Variants in RNF216 observed in about 807,000 individuals in gnomAD.
The protein encoded by RNF216 is E3 ubiquitin-protein ligase RNF216.
A neutral mutation model predicts 110.8 loss-of-function variants in RNF216; 72 were observed. The ratio of observed to expected loss-of-function variants is 0.65; its 90% confidence interval spans 0.54 to 0.79. The LOEUF is 0.79. RNF216 is among the 30% of genes least tolerant of loss of function. RNF216 has a pLI of 0.00. For synonymous variants in RNF216, 495 were observed against 407.5 expected, an observed-to-expected ratio of 1.21 and a Z score of -2.59; for missense variants, 1,342 against 1,141.2, an observed-to-expected ratio of 1.18 and a Z score of -2.54.
intron 3 of RNF216, among the ~76,000 whole-genome samples, chr7:5,742,586 C>CTTTT (rs59545890): frequency 3.9e-4 from 26 of 65,990 alleles, no homozygotes; most frequent in South Asian, 7.0e-4. Context: ...GGTGAAAAAT[C>CTTTT]TTTTTTTTTT....
chr7:5,658,880 C>T (rs1463627889), intron 13 of RNF216, among the ~76,000 whole-genome samples: 6 of 152,058 alleles, frequency 3.9e-5, no homozygotes, highest in Non-Finnish European at 8.8e-5. Context: ...GTACATCTGC[C>T]GCTCTCAATA....
At chr7:5,664,605 G>T (rs1348095524) in intron 13 of RNF216, among the ~76,000 whole-genome samples, 1 of 152,150 alleles carries the variant, frequency 6.6e-6, no homozygotes, top group African/African-American at 2.4e-5. Flanking sequence ...GAGGGGTCAG[G>T]ACTGGAAATG....
At chr7:5,663,573 G>A (rs35235746) in intron 13 of RNF216, among the ~76,000 whole-genome samples, 2,325 of 127,024 alleles carry the variant, frequency 0.018, 60 homozygotes, top group African/African-American at 0.065. Context: ...GACACAGCGA[G>A]ACTCCACCTC....
chr7:5,621,723 G>A lies in RNF216; in HGVS notation c.*1137C>T, dbSNP rs1022730086. The A allele has an allele frequency of 6.6e-6, 1 of 152,584 alleles. No individual in the cohort carries two copies. Among genetic ancestry groups the A allele is most frequent in the African/African-American group, 2.4e-5 (1 of 41,452 alleles). The allele number at this position is 152,584 out of a possible 1,614,324, so 9.5% of individuals were successfully genotyped here. A position where few individuals can be genotyped will look rare whatever the true frequency, so the allele number is the denominator to read the frequency against. Reference sequence around the variant, plus strand: ...GGAGGAGGAGAAAGTGATGCCTGTGGCCAGGAAGGCTTCAGACCTCTCATC... The same window carrying A: ...GGAGGAGGAGAAAGTGATGCCTGTGACCAGGAAGGCTTCAGACCTCTCATC... On this transcript the variant is annotated 3_prime_UTR_variant, in exon 17 of 17. Coordinates refer to ENST00000389902, the MANE Select transcript of RNF216 (RefSeq NM_207111.4).
chr7:5,641,668 TG>T (rs1787741301), intron 14 of RNF216, among the ~76,000 whole-genome samples: 1 of 152,180 alleles, frequency 6.6e-6, no homozygotes, highest in Non-Finnish European at 1.5e-5. Flanking sequence ...TAAAGTACCC[TG>T]GCATAGTGCC....
At chr7:5,743,218 T>G (rs1291926183) in intron 3 of RNF216, among the ~76,000 whole-genome samples, 1 of 152,008 alleles carries the variant, frequency 6.6e-6, no homozygotes, top group East Asian at 1.9e-4. Flanking sequence ...GCCAAGATGG[T>G]ACCACAGCAC....
chr7:5,714,318 G>T (rs907881439), intron 11 of RNF216, among the ~76,000 whole-genome samples: 26 of 151,818 alleles, frequency 1.7e-4, no homozygotes, highest in African/African-American at 5.1e-4. Context: ...GAGTGCAATG[G>T]CACGATCTCA....
chr7:5,697,713 T>C (rs554535652), intron 13 of RNF216, among the ~76,000 whole-genome samples: 31 of 151,946 alleles, frequency 2.0e-4, no homozygotes, highest in African/African-American at 7.5e-4. Context: ...TACAAGCAAT[T>C]TGAGGTGCTT....
chr7:5,698,266 T>C (rs1452965879), intron 13 of RNF216, among the ~76,000 whole-genome samples: 1 of 152,164 alleles, frequency 6.6e-6, no homozygotes. Flanking sequence ...GCAGTTGTAC[T>C]GGAGCAAGGA....
intron 15 of RNF216, among the ~76,000 whole-genome samples, chr7:5,627,810 G>A (rs561509271): frequency 7.3e-4 from 110 of 151,704 alleles, no homozygotes; most frequent in African/African-American, 2.5e-3. Context: ...GATAAAACAC[G>A]AGGGACAAGA....
chr7:5,771,038 C>T (rs1314844463), intron 1 of RNF216, among the ~76,000 whole-genome samples: 1 of 152,122 alleles, frequency 6.6e-6, no homozygotes, highest in African/African-American at 2.4e-5. Flanking sequence ...GAACTCTTGA[C>T]CTTGTGATTC....
At chr7:5,766,560 G>C (rs973006058) in intron 1 of RNF216, among the ~76,000 whole-genome samples, 5 of 152,204 alleles carry the variant, frequency 3.3e-5, no homozygotes, top group Non-Finnish European at 7.3e-5. Flanking sequence ...GAAGGCAGTT[G>C]TCTGAGATCC....
intron 14 of RNF216, among the ~76,000 whole-genome samples, chr7:5,644,607 G>A (rs1787940526): frequency 6.6e-6 from 1 of 151,774 alleles, no homozygotes; most frequent in South Asian, 2.1e-4. Flanking sequence ...CTGGGCTCAA[G>A]TGATTTCCCA....
At chr7:5,683,218 AT>A (rs1790769259) in intron 13 of RNF216, among the ~76,000 whole-genome samples, 2 of 152,198 alleles carry the variant, frequency 1.3e-5, no homozygotes, top group African/African-American at 4.8e-5. Context: ...GGCCAGTGGA[AT>A]CTATGTAGCC....
At chr7:5,762,090 T>C (rs1475762203) in intron 1 of RNF216, among the ~76,000 whole-genome samples, 1 of 152,180 alleles carries the variant, frequency 6.6e-6, no homozygotes, top group Non-Finnish European at 1.5e-5. Context: ...GAAATGACCT[T>C]ATTGGACATC....
intron 13 of RNF216, among the ~76,000 whole-genome samples, chr7:5,659,076 G>C (rs1484278688): frequency 6.6e-6 from 1 of 152,172 alleles, no homozygotes; most frequent in Non-Finnish European, 1.5e-5. Flanking sequence ...TCTGATGTAG[G>C]ACACTAGCGA....
Position 5,696,288 on chromosome 7 carries a change from C to A in RNF216, c.2061+15473G>T. Reference sequence around the variant, plus strand: ...GTTGCAAAAGGAGAATTAAGCAATTCTCTGTATGCACATCACAGAGAAATT... The same window carrying A: ...GTTGCAAAAGGAGAATTAAGCAATTATCTGTATGCACATCACAGAGAAATT... On this transcript the variant is annotated intron_variant, in intron 13 of 16. Transcript: ENST00000389902. The surrounding 1 kb of genome is among the most constrained non-coding windows in gnomAD (Gnocchi z 5.4). Among the ~76,000 whole-genome samples, 1 of 152,222 alleles carries A rather than the reference C, an allele frequency of 6.6e-6. No individual in the cohort carries two copies. The highest frequency in any genetic ancestry group is 1.9e-4 in the East Asian group (1 of 5,202).
intron 13 of RNF216, among the ~76,000 whole-genome samples, chr7:5,662,801 C>T (rs541023740): frequency 6.6e-6 from 1 of 152,210 alleles, no homozygotes; most frequent in East Asian, 1.9e-4. Context: ...GCAGTGTGAA[C>T]AGGGAGGGTG....
chr7:5,754,535 G>A (rs1205634906), intron 2 of RNF216, among the ~76,000 whole-genome samples: 1 of 151,994 alleles, frequency 6.6e-6, no homozygotes, highest in Admixed American at 6.6e-5. Flanking sequence ...CACACGCTAT[G>A]GGGGATCATT....
Sources: gnomAD v4.1 joint callset for allele counts (sites outside exome capture counted in the v4.1 genomes callset) on GRCh38, gnomAD v4.1.1 for gene constraint, Gnocchi (gnomAD v3.1) non-coding constraint, MANE v1.5 for transcripts, NCBI Gene and HGNC (gene_info 2026-07-23, HGNC 2026-07-21) for gene names.